EPHA5: variants seen among roughly 807,000 people sequenced by gnomAD.
The protein encoded by EPHA5 is ephrin type-A receptor 5.
In EPHA5, 60 loss-of-function variants were observed where a neutral mutation model predicts 105.0. That is an observed-to-expected ratio of 0.57 (90% CI 0.46 to 0.71). The LOEUF is 0.71. Among genes scored for constraint, EPHA5 ranks in the 30% least tolerant of loss-of-function variants. The pLI is 0.00. For missense variants in EPHA5, 1,218 were observed against 1,274.7 expected, an observed-to-expected ratio of 0.96 and a Z score of 0.68; for synonymous variants, 513 against 449.1, an observed-to-expected ratio of 1.14 and a Z score of -1.80.
At chr4:65,596,328 A>C (rs1294445759) in intron 3 of EPHA5, among the ~76,000 whole-genome samples, 1 of 152,104 alleles carries the variant, frequency 6.6e-6, no homozygotes, top group Non-Finnish European at 1.5e-5. Flanking sequence ...GGGGTGTCCT[A>C]CTGCGTCTAG....
At chr4:65,511,099 C>T (rs1044513831) in intron 3 of EPHA5, among the ~76,000 whole-genome samples, 13 of 152,276 alleles carry the variant, frequency 8.5e-5, no homozygotes, top group Non-Finnish European at 1.3e-4. Context: ...AAATGAATGA[C>T]TGGCACCTTG....
At chr4:65,556,705 C>A (rs963104108) in intron 3 of EPHA5, among the ~76,000 whole-genome samples, 1 of 151,936 alleles carries the variant, frequency 6.6e-6, no homozygotes, top group African/African-American at 2.4e-5. Context: ...GCAAATAGAG[C>A]GTTATTTTCA....
rs28497580 is a variant in EPHA5, at chr4:65,557,073, T to C, written c.910+44568A>G. On this transcript the variant is annotated intron_variant, in intron 3 of 16. Transcript: ENST00000613740. ...ATGAAGGTGTGATAAGGCTTAGAAA[T>C]AGATTTTAAATAGGACTGATGTTTA... is the stretch of plus-strand genomic sequence containing the variant. 8.9e-3 allele frequency among the ~76,000 whole-genome samples: 1,347 copies of C among 151,690 alleles called. 27 individuals are homozygous for C. Among genetic ancestry groups the C allele is most frequent in the African/African-American group, 0.031 (1,266 of 41,422 alleles).
At chr4:65,612,586 G>A (rs900258917) in intron 2 of EPHA5, among the ~76,000 whole-genome samples, 7 of 152,118 alleles carry the variant, frequency 4.6e-5, no homozygotes, top group African/African-American at 1.7e-4. Flanking sequence ...TGAACACTTA[G>A]GTTAATTCTA....
chr4:65,377,153 T>G, intron 8 of EPHA5: 1 of 1,252,568 alleles, frequency 8.0e-7, no homozygotes, highest in Admixed American at 3.1e-5. Context: ...CTCAGGTGTC[T>G]GCTTTCCTTT....
At chr4:65,465,516 A>T (rs1420613809) in intron 5 of EPHA5, among the ~76,000 whole-genome samples, 1 of 113,554 alleles carries the variant, frequency 8.8e-6, no homozygotes, top group South Asian at 2.8e-4. Context: ...AGAAAGAAAG[A>T]AAGAAAGAAA....
At position 65,320,324 on chromosome 4, in the gene EPHA5, TTCATCA is replaced by T. The variant is rs141281063; in HGVS notation, c.*3784_*3789del. 1,982 of 228,100 alleles carry T rather than the reference TTCATCA, an allele frequency of 8.7e-3. 38 individuals are homozygous for T. The highest frequency in any genetic ancestry group is 0.042 in the African/African-American group (1,873 of 44,968). 14.1% of individuals were successfully genotyped at this position (228,100 alleles called of 1,614,324 possible). A position where few individuals can be genotyped will look rare whatever the true frequency, so the allele number is the denominator to read the frequency against. ...GCTAGCATTTTGATTCCATTTATTC[TTCATCA>T]TCATCATCATCATCATCATCAGGAT... On this transcript the variant is annotated 3_prime_UTR_variant, in exon 17 of 17. Transcript: ENST00000613740.
At chr4:65,562,703 G>T (rs1481797084) in intron 3 of EPHA5, among the ~76,000 whole-genome samples, 3 of 152,014 alleles carry the variant, frequency 2.0e-5, no homozygotes, top group African/African-American at 7.2e-5. Context: ...CAAAAGGCAA[G>T]ATTATTGTAT....
chr4:65,579,824 C>T (rs991017386), intron 3 of EPHA5, among the ~76,000 whole-genome samples: 34 of 151,734 alleles, frequency 2.2e-4, no homozygotes, highest in African/African-American at 5.8e-4. Context: ...CTGAGTTAGC[C>T]GATCAATGTA....
intron 11 of EPHA5, among the ~76,000 whole-genome samples, chr4:65,356,934 C>G (rs1723356760): frequency 6.6e-6 from 1 of 151,308 alleles, no homozygotes; most frequent in African/African-American, 2.4e-5. Flanking sequence ...GAAGTACAGA[C>G]AAAGACTAGA....
chr4:65,462,057 A>G (rs1158707563), intron 5 of EPHA5, among the ~76,000 whole-genome samples: 1 of 152,166 alleles, frequency 6.6e-6, no homozygotes, highest in Non-Finnish European at 1.5e-5. Context: ...GATAGAATAG[A>G]ATATTAATAC....
chr4:65,462,135 C>T (rs549703901), intron 5 of EPHA5, among the ~76,000 whole-genome samples: 19 of 151,972 alleles, frequency 1.3e-4, no homozygotes, highest in Non-Finnish European at 2.2e-4. Context: ...TGTTGATTTC[C>T]GAATTATCAT....
At chr4:65,427,334 C>T (rs1195740866) in intron 5 of EPHA5, among the ~76,000 whole-genome samples, 3 of 151,644 alleles carry the variant, frequency 2.0e-5, no homozygotes, top group Non-Finnish European at 4.4e-5. Flanking sequence ...AAGGCGCCTG[C>T]CACTGCACCC....
chr4:65,568,229 A>G (rs942385432), intron 3 of EPHA5, among the ~76,000 whole-genome samples: 2 of 151,478 alleles, frequency 1.3e-5, no homozygotes, highest in African/African-American at 4.8e-5. Flanking sequence ...GAAGTAAAGT[A>G]CACCCTTTAA....
At chr4:65,393,749 C>G (rs1197233892) in intron 8 of EPHA5, among the ~76,000 whole-genome samples, 1 of 152,136 alleles carries the variant, frequency 6.6e-6, no homozygotes, top group Non-Finnish European at 1.5e-5. Flanking sequence ...TCAATAATTT[C>G]CTTTTAGATT....
intron 8 of EPHA5, among the ~76,000 whole-genome samples, chr4:65,403,422 T>A (rs1040193494): frequency 1.3e-5 from 2 of 151,720 alleles, no homozygotes; most frequent in East Asian, 3.9e-4. Context: ...CAGAAATAAA[T>A]ATTTCCATGA....
chr4:65,587,428 C>T (rs1326320565), intron 3 of EPHA5, among the ~76,000 whole-genome samples: 1 of 152,054 alleles, frequency 6.6e-6, no homozygotes, highest in Non-Finnish European at 1.5e-5. Context: ...TTAAAAAAAT[C>T]CTGTACTATT....
intron 3 of EPHA5, among the ~76,000 whole-genome samples, chr4:65,568,727 C>T (rs1490802113): frequency 6.6e-6 from 1 of 150,826 alleles, no homozygotes; most frequent in Non-Finnish European, 1.5e-5. Flanking sequence ...ATAGTTTATA[C>T]ACTTTTTCAA....
intron 3 of EPHA5, among the ~76,000 whole-genome samples, chr4:65,576,234 G>A (rs1470352743): frequency 2.6e-5 from 4 of 152,022 alleles, no homozygotes; most frequent in African/African-American, 9.7e-5. Context: ...CATGACATTT[G>A]CCAATTTTGT....
Sources: allele counts gnomAD v4.1 joint callset (sites outside exome capture counted in the v4.1 genomes callset), GRCh38; gene constraint gnomAD v4.1.1; transcripts MANE v1.5; gene names NCBI Gene and HGNC (gene_info 2026-07-23, HGNC 2026-07-21).